SCNN1B: variants seen among roughly 807,000 people sequenced by gnomAD.
SCNN1B encodes the protein epithelial sodium channel subunit beta.
In SCNN1B, 46 loss-of-function variants were observed where a neutral mutation model predicts 65.3. The ratio of observed to expected loss-of-function variants is 0.70; its 90% CI spans 0.56 to 0.90. SCNN1B has a LOEUF of 0.90. Ranked by LOEUF, SCNN1B falls within the 40% of genes least tolerant of loss-of-function variation. The pLI, the probability that SCNN1B is intolerant of heterozygous loss-of-function variation, is 0.00. For synonymous variants in SCNN1B, 349 were observed against 330.6 expected (o/e 1.06, Z -0.60); for missense variants, 751 against 830.5 (o/e 0.90, Z 1.18).
intron 1 of SCNN1B, among the ~76,000 whole-genome samples, chr16:23,321,343 C>T (rs2141994439): frequency 6.6e-6 from 1 of 152,188 alleles, no homozygotes; most frequent in African/African-American, 2.4e-5. Context: ...CGCCTGGCCT[C>T]CTTCCTGGAC....
intron 1 of SCNN1B, among the ~76,000 whole-genome samples, chr16:23,344,069 C>T (rs1962135717): frequency 6.6e-6 from 1 of 152,234 alleles, no homozygotes; most frequent in African/African-American, 2.4e-5. Flanking sequence ...ATTGTAACAA[C>T]TTTTGCTACC....
At chr16:23,324,444 C>G (rs1961651696) in intron 1 of SCNN1B, among the ~76,000 whole-genome samples, 1 of 152,114 alleles carries the variant, frequency 6.6e-6, no homozygotes, top group South Asian at 2.1e-4. Flanking sequence ...TTCAAGCAAT[C>G]CTCCCACATC....
chr16:23,350,403 C>A (rs1962283437), intron 2 of SCNN1B, among the ~76,000 whole-genome samples: 1 of 152,056 alleles, frequency 6.6e-6, no homozygotes, highest in Admixed American at 6.6e-5. Context: ...GAAGGGGACA[C>A]AAGAGGAGAC....
chr16:23,356,345 C>T (rs566969823), intron 4 of SCNN1B, among the ~76,000 whole-genome samples: 5 of 152,078 alleles, frequency 3.3e-5, no homozygotes, highest in Non-Finnish European at 5.9e-5. Flanking sequence ...GGCTATGAGG[C>T]TGGGCGTGGT....
intron 2 of SCNN1B, among the ~76,000 whole-genome samples, chr16:23,286,023 T>C (rs1351145940): frequency 7.0e-6 from 1 of 143,218 alleles, no homozygotes; most frequent in East Asian, 2.1e-4. Flanking sequence ...TTTTTAAAGA[T>C]CAATGAATTC....
chr16:23,289,068 G>A (rs934958675), intron 2 of SCNN1B, among the ~76,000 whole-genome samples: 1 of 152,186 alleles, frequency 6.6e-6, no homozygotes, highest in Non-Finnish European at 1.5e-5. Flanking sequence ...TGCCATCTTC[G>A]ATGATTAGAA....
intron 7 of SCNN1B, among the ~76,000 whole-genome samples, chr16:23,374,783 G>A (rs1373383665): frequency 2.0e-5 from 3 of 151,732 alleles, no homozygotes; most frequent in African/African-American, 4.8e-5. Context: ...ACTCAGGAGC[G>A]CAGGTGTGGA....
chr16:23,305,610 G>T (rs1961200691), intron 1 of SCNN1B, among the ~76,000 whole-genome samples: 1 of 130,110 alleles, frequency 7.7e-6, no homozygotes, highest in East Asian at 2.2e-4. Context: ...ACCTGGGTGT[G>T]GTGGCATGTA....
At chr16:23,298,350 G>A (rs1466477910), upstream of SCNN1B, among the ~76,000 whole-genome samples, 1 of 152,212 alleles carries the variant, frequency 6.6e-6, no homozygotes, top group Non-Finnish European at 1.5e-5. Context: ...CAGCAGCAGT[G>A]TTAGGCTCTG....
chr16:23,284,654 C>G (rs1960826934), intron 2 of SCNN1B, among the ~76,000 whole-genome samples: 1 of 152,128 alleles, frequency 6.6e-6, no homozygotes, highest in Non-Finnish European at 1.5e-5. Flanking sequence ...CTACAGCAGT[C>G]AGACAGAGCA....
At chr16:23,379,059 C>T (rs752995318) in intron 11 of SCNN1B, among the ~76,000 whole-genome samples, 15 of 150,592 alleles carry the variant, frequency 1.0e-4, no homozygotes, top group African/African-American at 2.7e-4. Context: ...TCCACTCATT[C>T]ATCCTCCATT....
At chr16:23,324,116 G>C (rs1467475760) in intron 1 of SCNN1B, among the ~76,000 whole-genome samples, 1 of 151,766 alleles carries the variant, frequency 6.6e-6, no homozygotes, top group Non-Finnish European at 1.5e-5. Flanking sequence ...ATTTTGCCAA[G>C]ATCACACAGC....
chr16:23,372,012 G>T, intron 7 of SCNN1B, 129 bp downstream of exon 7: 1 of 743,684 alleles, frequency 1.3e-6, no homozygotes, highest in Non-Finnish European at 2.4e-6. Context: ...TTGCCACGGG[G>T]CACCCCGGGC....
chr16:23,379,538 A>G (rs1962992431), intron 11 of SCNN1B, among the ~76,000 whole-genome samples: 1 of 152,144 alleles, frequency 6.6e-6, no homozygotes, highest in Non-Finnish European at 1.5e-5. Context: ...CAAAGCTGGA[A>G]AGCCTGGAGG....
intron 1 of SCNN1B, among the ~76,000 whole-genome samples, chr16:23,332,784 C>T (rs1961841013): frequency 6.6e-6 from 1 of 151,994 alleles, no homozygotes; most frequent in Non-Finnish European, 1.5e-5. Flanking sequence ...GAAAAGTGGC[C>T]TTGTTGGCCA....
upstream of SCNN1B, among the ~76,000 whole-genome samples, chr16:23,301,859 C>T (rs1490991221): frequency 1.3e-5 from 2 of 152,130 alleles, no homozygotes; most frequent in African/African-American, 4.8e-5. Context: ...ATATGTCCCC[C>T]TAAAGTCACC....
intron 4 of SCNN1B, among the ~76,000 whole-genome samples, chr16:23,356,295 G>A (rs152743): frequency 0.22 from 33,550 of 152,172 alleles, 4,267 homozygotes; most frequent in East Asian, 0.64. Flanking sequence ...GGGTCATTGA[G>A]AAGAGTAAAT....
intron 1 of SCNN1B, among the ~76,000 whole-genome samples, chr16:23,329,354 G>A (rs186791351): frequency 1.1e-3 from 173 of 152,126 alleles, no homozygotes; most frequent in Middle Eastern, 6.8e-3. Context: ...GGGCCCAAGC[G>A]ATCCTCCCAC....
At chr16:23,366,820 A>G (rs907405769) in intron 4 of SCNN1B, among the ~76,000 whole-genome samples, 1 of 152,192 alleles carries the variant, frequency 6.6e-6, no homozygotes, top group Non-Finnish European at 1.5e-5. Context: ...CACCGCTCCC[A>G]ACCTCCTCTT....
Sources: gnomAD v4.1 joint callset for allele counts (sites outside exome capture counted in the v4.1 genomes callset) on GRCh38, gnomAD v4.1.1 for gene constraint, MANE v1.5 for transcripts, NCBI Gene and HGNC (gene_info 2026-07-23, HGNC 2026-07-21) for gene names.